The following SRGAP2B variants were observed in gnomAD, a reference collection of about 807,000 sequenced individuals.
The protein encoded by SRGAP2B is SLIT-ROBO Rho GTPase activating protein 2B.
Under a neutral mutation model 22.2 loss-of-function variants are expected in SRGAP2B, and 9 were observed. The ratio of observed to expected loss-of-function variants is 0.41; its 90% CI spans 0.24 to 0.71. SRGAP2B has a LOEUF of 0.71. Ranked by LOEUF, SRGAP2B falls within the 30% of genes least tolerant of loss-of-function variation. SRGAP2B has a pLI of 0.35. For synonymous variants in SRGAP2B, 36 were observed against 87.4 expected (o/e 0.41, Z 3.28); for missense variants, 114 against 235.8 (o/e 0.48, Z 3.38).
chr1:144,924,624 C>T (rs1397431510), intron 4 of SRGAP2B, among the ~76,000 whole-genome samples: 2 of 150,934 alleles, frequency 1.3e-5, no homozygotes, highest in African/African-American at 2.5e-5. Context: ...CCCAGCTATT[C>T]GGGAGGCTGA....
At chr1:144,920,886 C>T (rs1257348854) in intron 4 of SRGAP2B, among the ~76,000 whole-genome samples, 1 of 150,212 alleles carries the variant, frequency 6.7e-6, no homozygotes. Context: ...AAATAACTTG[C>T]CGTCTTGAAG....
chr1:144,906,504 T>C (rs1553351827), intron 5 of SRGAP2B, among the ~76,000 whole-genome samples: 3 of 145,864 alleles, frequency 2.1e-5, no homozygotes, highest in East Asian at 2.0e-4. Context: ...GTGCAGCCTA[T>C]GGAGTAGCCT....
chr1:144,943,255 CTG>C (rs1666199609), intron 4 of SRGAP2B, among the ~76,000 whole-genome samples: 1 of 142,394 alleles, frequency 7.0e-6, no homozygotes, highest in Middle Eastern at 3.3e-3. Context: ...GGACATAAAA[CTG>C]TGTGCATTAG....
At chr1:145,057,010 T>A (rs1410063938) in intron 2 of SRGAP2B, among the ~76,000 whole-genome samples, 26 of 143,936 alleles carry the variant, frequency 1.8e-4, no homozygotes, top group Non-Finnish European at 2.9e-4. Context: ...CCTCCCAGCA[T>A]TAAAAAATAA....
rs1347279893 is a variant in SRGAP2B, at chr1:144,907,670, G to A, written c.487-1596C>T. Among the ~76,000 whole-genome samples the A allele has an allele frequency of 2.0e-5, 3 of 149,870 alleles. No homozygotes were observed. In the East Asian group the frequency reaches 5.8e-4, roughly 29 times the overall value. ...TGCTACTGGCATCTAGTAGTTAGAG[G>A]TCAGGGATGCTGCTGAACATCCCAT... On this transcript the variant is annotated intron_variant, in intron 5 of 9. Coordinates refer to ENST00000612199, the Ensembl canonical transcript of SRGAP2B.
chr1:144,989,722 G>C (rs1302563454), intron 3 of SRGAP2B, among the ~76,000 whole-genome samples: 1 of 150,046 alleles, frequency 6.7e-6, no homozygotes. Context: ...GATCAGGCAG[G>C]AAGCTATTGG....
chr1:144,964,443 T>C (rs1488945167), intron 3 of SRGAP2B, among the ~76,000 whole-genome samples: 2 of 150,304 alleles, frequency 1.3e-5, no homozygotes, highest in Non-Finnish European at 2.9e-5. Context: ...TGACCAAATT[T>C]GTATGTCCAT....
At chr1:144,952,153 A>G (rs1423052710) in intron 4 of SRGAP2B, among the ~76,000 whole-genome samples, 4 of 95,448 alleles carry the variant, frequency 4.2e-5, no homozygotes, top group African/African-American at 1.6e-4. Flanking sequence ...CACATAGACC[A>G]CACTCTTTTT....
chr1:144,904,991 A>G (rs1662878094), intron 7 of SRGAP2B, 100 bp downstream of exon 7: 1 of 627,424 alleles, frequency 1.6e-6, no homozygotes, highest in African/African-American at 2.2e-5. Flanking sequence ...ATTGTTCTCA[A>G]AATGCACCAG....
intron 3 of SRGAP2B, among the ~76,000 whole-genome samples, chr1:144,975,143 C>A (rs1401709277): frequency 6.7e-6 from 1 of 149,700 alleles, no homozygotes; most frequent in Non-Finnish European, 1.5e-5. Flanking sequence ...CTCACTTCTC[C>A]TGAATCTGCG....
At chr1:144,956,439 CTTTTTTTTTTTT>C (rs3069132) in intron 3 of SRGAP2B, among the ~76,000 whole-genome samples, 3 of 95,378 alleles carry the variant, frequency 3.1e-5, no homozygotes, top group Non-Finnish European at 6.2e-5. Context: ...TGCTCATTCC[CTTTTTTTTTTTT>C]TTTTTTTTTT....
intron 3 of SRGAP2B, among the ~76,000 whole-genome samples, chr1:144,956,673 C>A (rs1667291167): frequency 6.7e-6 from 1 of 149,518 alleles, no homozygotes; most frequent in African/African-American, 2.5e-5. Context: ...ATCTTGAACT[C>A]CCGACCTCAA....
rs1180286149 is a variant in SRGAP2B at position 144,997,409 on chromosome 1, C to T, written c.68-2209G>A. Among the ~76,000 whole-genome samples the T allele has an allele frequency of 2.1e-4, 31 of 150,498 alleles. 4 individuals carry two copies. The highest frequency in any genetic ancestry group is 6.0e-4 in the African/African-American group (24 of 40,150). On this transcript the variant is annotated intron_variant, in intron 2 of 9. Coordinates refer to ENST00000612199, the Ensembl canonical transcript of SRGAP2B. The stretch of plus-strand genomic sequence containing the variant: ...TCGCACCACTGCACTCCAGCCTGGG[C>T]GACAGAGCAAGACTCCGTCTCAAAC...
intron 5 of SRGAP2B, among the ~76,000 whole-genome samples, chr1:144,911,760 G>C (rs1415289201): frequency 6.8e-6 from 1 of 147,018 alleles, no homozygotes; most frequent in Admixed American, 6.8e-5. Context: ...TGGGACTATA[G>C]GCACCCACCA....
At chr1:145,058,202 G>C (rs1464754182) in intron 2 of SRGAP2B, among the ~76,000 whole-genome samples, 1 of 149,030 alleles carries the variant, frequency 6.7e-6, no homozygotes, top group African/African-American at 2.5e-5. Flanking sequence ...TCTGAAAAGA[G>C]GACAATAATA....
At chr1:145,017,361 T>C (rs1253213852) in intron 2 of SRGAP2B, among the ~76,000 whole-genome samples, 2 of 146,202 alleles carry the variant, frequency 1.4e-5, no homozygotes, top group Non-Finnish European at 3.0e-5. Context: ...AAAAATTTTT[T>C]GACATTAGAA....
intron 3 of SRGAP2B, among the ~76,000 whole-genome samples, chr1:144,972,944 C>A (rs1553613576): frequency 7.4e-6 from 1 of 135,926 alleles, no homozygotes; most frequent in African/African-American, 3.1e-5. Context: ...TTGTCTCTAC[C>A]AAAAATACAA....
chr1:145,036,420 G>A (rs1399083131), intron 2 of SRGAP2B, among the ~76,000 whole-genome samples: 1 of 125,178 alleles, frequency 8.0e-6, no homozygotes, highest in Non-Finnish European at 1.6e-5. Context: ...ACTATCATGA[G>A]ATTCTTTAGA....
rs1667149072 is a variant in SRGAP2B at position 144,954,931 on chromosome 1, TG to T, written c.423+507del. Among the ~76,000 whole-genome samples the T allele has an allele frequency of 2.0e-5, 3 of 150,294 alleles. 1 individual carries two copies. In the South Asian group the frequency reaches 6.3e-4, roughly 31 times the overall value. ...ACTAAACTAAAAACATAAACGTATA[TG>T]AGTTTGCTAAATGAACTAGAATAGG... On this transcript the variant is annotated intron_variant, in intron 4 of 9. Coordinates refer to ENST00000612199, the Ensembl canonical transcript of SRGAP2B.
Sources: allele counts gnomAD v4.1 joint callset (sites outside exome capture counted in the v4.1 genomes callset), GRCh38; gene constraint gnomAD v4.1.1; transcripts MANE v1.5; gene names NCBI Gene and HGNC (gene_info 2026-07-23, HGNC 2026-07-21).